The following WWOX variants were observed in gnomAD, a reference collection of about 807,000 sequenced individuals.
WWOX encodes the protein WW domain-containing oxidoreductase.
In WWOX, 69 loss-of-function variants were observed where a neutral mutation model predicts 46.2. That is an observed-to-expected ratio of 1.49 (90% CI 1.23 to 1.82). The LOEUF (loss-of-function observed/expected upper bound fraction) is 1.82. WWOX is among the 40% of genes most tolerant of loss of function. The pLI is 0.00. For missense variants in WWOX, 919 were observed against 542.6 expected (o/e 1.69, Z -6.89); for synonymous variants, 359 against 202.6 (o/e 1.77, Z -6.56).
intron 8 of WWOX, among the ~76,000 whole-genome samples, chr16:78,685,126 G>A (rs13380485): frequency 0.092 from 13,934 of 152,150 alleles, 1,118 homozygotes; most frequent in African/African-American, 0.22. Context: ...TCTCTGCAGC[G>A]TGATGTCTAG....
chr16:78,650,035 C>T (rs2142140045), intron 8 of WWOX, among the ~76,000 whole-genome samples: 1 of 152,204 alleles, frequency 6.6e-6, no homozygotes, highest in Non-Finnish European at 1.5e-5. Flanking sequence ...ATATTGGAAG[C>T]CTATTGTACT....
At chr16:78,727,170 G>C (rs2048855372) in intron 8 of WWOX, among the ~76,000 whole-genome samples, 1 of 152,172 alleles carries the variant, frequency 6.6e-6, no homozygotes, top group Admixed American at 6.5e-5. Flanking sequence ...AGGCCAAGGT[G>C]GGCAGATCAC....
At chr16:78,530,112 A>G in intron 8 of WWOX, among the ~76,000 whole-genome samples, 1 of 152,112 alleles carries the variant, frequency 6.6e-6, no homozygotes, top group East Asian at 1.9e-4. Context: ...GAGCCAGGGT[A>G]AATGCTTTTG....
intron 8 of WWOX, among the ~76,000 whole-genome samples, chr16:78,670,932 C>A (rs141656618): frequency 5.9e-4 from 90 of 152,118 alleles, no homozygotes; most frequent in Non-Finnish European, 1.1e-3. Flanking sequence ...AACAGAGACA[C>A]CGAGAGAGGA....
intron 8 of WWOX, among the ~76,000 whole-genome samples, chr16:79,100,819 C>T (rs543494986): frequency 4.6e-5 from 7 of 152,070 alleles, no homozygotes; most frequent in East Asian, 1.9e-4. Context: ...CCAGTCTCCC[C>T]GTGGAGCACA....
chr16:78,737,130 C>T (rs973434494), intron 8 of WWOX, among the ~76,000 whole-genome samples: 2 of 151,888 alleles, frequency 1.3e-5, no homozygotes, highest in Non-Finnish European at 2.9e-5. Context: ...GATGGAGTCT[C>T]ACTCTGTCAC....
intron 8 of WWOX, among the ~76,000 whole-genome samples, chr16:78,908,119 C>T (rs1388626676): frequency 6.6e-6 from 1 of 152,162 alleles, no homozygotes; most frequent in Non-Finnish European, 1.5e-5. Flanking sequence ...CAAAGTTTTA[C>T]ACCAGGATTC....
chr16:78,334,425 C>G (rs2080831501), intron 5 of WWOX, among the ~76,000 whole-genome samples: 1 of 152,134 alleles, frequency 6.6e-6, no homozygotes, highest in Non-Finnish European at 1.5e-5. Context: ...TCAGACTTTA[C>G]TCTGAGCTAT....
intron 8 of WWOX, among the ~76,000 whole-genome samples, chr16:79,076,188 G>T (rs1335376785): frequency 1.3e-5 from 2 of 152,186 alleles, no homozygotes; most frequent in African/African-American, 4.8e-5. Flanking sequence ...TCATATCAGG[G>T]AACAAACTGT....
rs914090700 is a variant in WWOX, at chr16:78,339,770, G to T, written c.517-47090G>T. On this transcript the variant is annotated intron_variant, in intron 5 of 8. Coordinates refer to ENST00000566780, the MANE Select transcript of WWOX (RefSeq NM_016373.4). The stretch of plus-strand genomic sequence containing the variant: ...TTTGTGGCTTTCTGTGTTGTTCTCG[G>T]GAAGTACAAACCCTTGTGACCGCTG... Among the ~76,000 whole-genome samples, 2 of 116,436 alleles carry T rather than the reference G, an allele frequency of 1.7e-5. 1 individual carries two copies. Among genetic ancestry groups the T allele is most frequent in the South Asian group, 5.3e-4 (2 of 3,766 alleles). The allele number at this position is 116,436 out of a possible 152,430, so 76.4% of individuals were successfully genotyped here.
chr16:79,080,272 C>G (rs1240096573), intron 8 of WWOX, among the ~76,000 whole-genome samples: 1 of 152,198 alleles, frequency 6.6e-6, no homozygotes, highest in East Asian at 1.9e-4. Context: ...GAGTCCTTTT[C>G]TCTGTCTCTC....
At chr16:78,925,661 C>T (rs1003448373) in intron 8 of WWOX, among the ~76,000 whole-genome samples, 2 of 152,146 alleles carry the variant, frequency 1.3e-5, no homozygotes, top group Non-Finnish European at 1.5e-5. Flanking sequence ...CAATGAGAAC[C>T]AGGTTTTTGC....
intron 8 of WWOX, among the ~76,000 whole-genome samples, chr16:78,827,597 C>A (rs889588012): frequency 6.6e-6 from 1 of 151,896 alleles, no homozygotes; most frequent in Non-Finnish European, 1.5e-5. Flanking sequence ...CTTTGGGAGG[C>A]CAAGGTGGGT....
intron 4 of WWOX, among the ~76,000 whole-genome samples, chr16:78,142,057 A>C (rs2034007939): frequency 6.6e-6 from 1 of 151,634 alleles, no homozygotes; most frequent in Non-Finnish European, 1.5e-5. Flanking sequence ...ATCTCATAAC[A>C]GATTTGATTT....
At chr16:78,276,928 C>T (rs555425178) in intron 5 of WWOX, among the ~76,000 whole-genome samples, 4 of 152,180 alleles carry the variant, frequency 2.6e-5, no homozygotes, top group African/African-American at 9.6e-5. Context: ...TCTGAGATTC[C>T]GTTGTGTGAA....
At chr16:78,759,233 C>T (rs2049731783) in intron 8 of WWOX, among the ~76,000 whole-genome samples, 1 of 152,140 alleles carries the variant, frequency 6.6e-6, no homozygotes, top group Non-Finnish European at 1.5e-5. Flanking sequence ...GAACCCATTT[C>T]AGGTGAATGC....
At chr16:79,119,058 C>G (rs2049574769) in intron 8 of WWOX, among the ~76,000 whole-genome samples, 1 of 152,050 alleles carries the variant, frequency 6.6e-6, no homozygotes, top group African/African-American at 2.4e-5. Context: ...ATTACTAGGT[C>G]AAAGGTTGGG....
chr16:79,047,672 ATTTTTTTTT>A (rs71140858), intron 8 of WWOX, among the ~76,000 whole-genome samples: 181 of 53,538 alleles, frequency 3.4e-3, no homozygotes, highest in Non-Finnish European at 5.0e-3. Context: ...GACTGTCCTG[ATTTTTTTTT>A]TTTTTTTTTT....
chr16:78,869,460 G>T (rs1325145846), intron 8 of WWOX, among the ~76,000 whole-genome samples: 5 of 152,226 alleles, frequency 3.3e-5, no homozygotes, highest in Non-Finnish European at 7.3e-5. Context: ...TACGCAAGAA[G>T]TGCACACAGC....
Sources: allele counts gnomAD v4.1 joint callset (sites outside exome capture counted in the v4.1 genomes callset), GRCh38; gene constraint gnomAD v4.1.1; transcripts MANE v1.5; gene names NCBI Gene and HGNC (gene_info 2026-07-23, HGNC 2026-07-21).